QKI: variants seen among roughly 807,000 people sequenced by gnomAD.
QKI encodes the protein QKI, KH domain containing RNA binding.
A neutral mutation model predicts 39.0 loss-of-function variants in QKI; 10 were observed. The observed-to-expected ratio is 0.26, with a 90% CI of 0.16 to 0.43. The LOEUF is 0.43. Among genes scored for constraint, QKI ranks in the 20% least tolerant of loss-of-function variants. The pLI is 1.00. For synonymous variants in QKI, 204 were observed against 155.4 expected, an observed-to-expected ratio of 1.31 and a Z score of -2.33; for missense variants, 218 against 428.0, an observed-to-expected ratio of 0.51 and a Z score of 4.33.
chr6:163,416,112 G>A lies in QKI; in HGVS notation c.142+777G>A, dbSNP rs1787464166. 2.0e-5 allele frequency among the ~76,000 whole-genome samples: 3 copies of A among 151,316 alleles called. No homozygotes were observed. The South Asian group carries it at 6.3e-4, about 32-fold the overall frequency. ...GATGACAGATCGGAGCGCAGCCTGA[G>A]TTAGAAGAACTTGGGCGGAGGGTTT... On this transcript the variant is annotated intron_variant, in intron 1 of 7. Transcript: ENST00000361752.
At chr6:163,557,514 G>C (rs1336173598) in intron 4 of QKI, among the ~76,000 whole-genome samples, 1 of 152,064 alleles carries the variant, frequency 6.6e-6, no homozygotes, top group Non-Finnish European at 1.5e-5. Flanking sequence ...AGAGTGTGGA[G>C]CGATGGTTCC....
chr6:163,574,661 G>A lies in QKI; in HGVS notation c.*3951G>A, dbSNP rs1783882023. On this transcript the variant is annotated 3_prime_UTR_variant, in exon 8 of 8. Transcript: ENST00000361752. The stretch of plus-strand genomic sequence containing the variant: ...CTTAAATATCTTCATGCTTTTCTTG[G>A]CTGGAACTTGGGTAAATTAACCTGT... 1 of 152,100 alleles carries A rather than the reference G, an allele frequency of 6.6e-6. No individual in the cohort carries two copies. The highest frequency in any genetic ancestry group is 2.4e-5 in the African/African-American group (1 of 41,418). 9.4% of individuals were successfully genotyped at this position (152,100 alleles called of 1,614,324 possible).
In QKI at chr6:163,530,270, A is replaced by C. The variant is rs1182889401; in HGVS notation, c.403-4712A>C. 3.3e-5 allele frequency among the ~76,000 whole-genome samples: 5 copies of C among 152,184 alleles called. No homozygotes were observed. The East Asian group carries it at 9.6e-4, about 29-fold the overall frequency. ...AATACAGCATTTTTGGTGTGCGTCC[A>C]TATCATCATCCCTCCTGTCTGCTTA... On this transcript the variant is annotated intron_variant, in intron 3 of 7. Coordinates refer to ENST00000361752, the MANE Select transcript of QKI (RefSeq NM_006775.3).
rs1480281341 is a variant in QKI, at chr6:163,578,415, CT to C, written c.*7707del. The C allele has an allele frequency of 2.0e-5, 3 of 152,162 alleles. No homozygotes were observed. Among genetic ancestry groups the C allele is most frequent in the Non-Finnish European group, 4.4e-5 (3 of 68,034 alleles). The allele number at this position is 152,162 out of a possible 1,614,324, so 9.4% of individuals were successfully genotyped here. On this transcript the variant is annotated 3_prime_UTR_variant, in exon 8 of 8. Transcript: ENST00000361752. The stretch of plus-strand genomic sequence containing the variant: ...TGTGCTTGAAACCTGAATTTTAGTG[CT>C]TCCCTTATTACATTCATTGTTTTCA...
At chr6:163,544,921 T>A (rs1781776570) in intron 4 of QKI, among the ~76,000 whole-genome samples, 1 of 152,162 alleles carries the variant, frequency 6.6e-6, no homozygotes, top group Non-Finnish European at 1.5e-5. Flanking sequence ...GGTCAGTATG[T>A]AATCACACAT....
intron 1 of QKI, among the ~76,000 whole-genome samples, chr6:163,442,269 A>G (rs2757581): frequency 0.34 from 51,650 of 152,084 alleles, 9,430 homozygotes; most frequent in African/African-American, 0.45. Flanking sequence ...TGGTTAATAT[A>G]TAATAAGTTT....
Position 163,577,864 on chromosome 6 carries a change from T to G in QKI, c.*7154T>G, listed in dbSNP as rs758712916. 3 of 152,220 alleles carry G rather than the reference T, an allele frequency of 2.0e-5. No individual in the cohort carries two copies. The highest frequency in any genetic ancestry group is 7.2e-5 in the African/African-American group (3 of 41,466). The allele number at this position is 152,220 out of a possible 1,614,324, so 9.4% of individuals were successfully genotyped here. The stretch of plus-strand genomic sequence containing the variant: ...GAAGTGCTTAAGTGAATGGAAGCAC[T>G]AGACATTTGGATTTCCTTCCTAACG... On this transcript the variant is annotated 3_prime_UTR_variant, in exon 8 of 8. Coordinates refer to ENST00000361752, the MANE Select transcript of QKI (RefSeq NM_006775.3).
intron 2 of QKI, among the ~76,000 whole-genome samples, chr6:163,472,413 G>A (rs1792273947): frequency 6.6e-6 from 1 of 152,102 alleles, no homozygotes; most frequent in African/African-American, 2.4e-5. Flanking sequence ...GGTGATGGAG[G>A]TGGGAGGGGT....
At chr6:163,531,245 G>A (rs1038062615) in intron 3 of QKI, among the ~76,000 whole-genome samples, 4 of 152,146 alleles carry the variant, frequency 2.6e-5, no homozygotes, top group Non-Finnish European at 5.9e-5. Context: ...TGTGGGCCTG[G>A]GTTCCCTTGC....
intron 1 of QKI, among the ~76,000 whole-genome samples, chr6:163,446,119 A>G (rs1470136091): frequency 2.0e-5 from 3 of 152,152 alleles, no homozygotes; most frequent in African/African-American, 7.2e-5. Context: ...TTTTGTTTGC[A>G]TTGATTTTTA....
At chr6:163,424,792 C>T (rs926723866) in intron 1 of QKI, among the ~76,000 whole-genome samples, 4 of 151,850 alleles carry the variant, frequency 2.6e-5, no homozygotes, top group Non-Finnish European at 5.9e-5. Flanking sequence ...CCTCCACACC[C>T]GGCTAATTGC....
chr6:163,508,856 T>C (rs981685136), intron 3 of QKI, among the ~76,000 whole-genome samples: 1 of 151,004 alleles, frequency 6.6e-6, no homozygotes, highest in East Asian at 2.0e-4. Flanking sequence ...GATATTTTAC[T>C]GGCCGGGCAC....
chr6:163,503,049 T>C (rs550002900), intron 3 of QKI, among the ~76,000 whole-genome samples: 2 of 152,112 alleles, frequency 1.3e-5, no homozygotes, highest in South Asian at 4.1e-4. Flanking sequence ...TTCTGACTTG[T>C]GTGAGATGGT....
Position 163,535,092 on chromosome 6 carries a change from A to G in QKI, c.513A>G (p.Ala171=). ...QNRAEIKLKR[A]VEEVKKLLVP... ...GAGCAGAAATCAAATTGAAGAGAGC[A>G]GTTGAAGAAGTGAAGAAATTATTGG... is the stretch of plus-strand genomic sequence containing the variant. Residue 171 remains alanine, a synonymous_variant, in exon 4 of 8, where the codon GCA becomes GCG. Coordinates refer to ENST00000361752, the MANE Select transcript of QKI (RefSeq NM_006775.3). The G allele has an allele frequency of 6.2e-7, 1 of 1,605,708 alleles. No individual in the cohort carries two copies. Among genetic ancestry groups the G allele is most frequent in the South Asian group, 1.1e-5 (1 of 88,590 alleles).
intron 1 of QKI, among the ~76,000 whole-genome samples, chr6:163,454,072 A>G (rs935374610): frequency 6.6e-6 from 1 of 152,178 alleles, no homozygotes; most frequent in Non-Finnish European, 1.5e-5. Context: ...TAAAAAATAC[A>G]TTTTATTTTT....
chr6:163,498,501 A>G (rs1778547377), intron 3 of QKI, among the ~76,000 whole-genome samples: 3 of 152,072 alleles, frequency 2.0e-5, no homozygotes, highest in Non-Finnish European at 4.4e-5. Flanking sequence ...GCATGTTACC[A>G]TATGTGACTC....
chr6:163,564,456 A>C, intron 6 of QKI: 6 of 1,407,770 alleles, frequency 4.3e-6, no homozygotes, highest in Non-Finnish European at 5.5e-6. Flanking sequence ...AAGATTTTTC[A>C]GTTCTTGTGT....
chr6:163,526,014 CT>C (rs1443324856), intron 3 of QKI, among the ~76,000 whole-genome samples: 1 of 152,178 alleles, frequency 6.6e-6, no homozygotes, highest in Non-Finnish European at 1.5e-5. Flanking sequence ...GTATCTCATG[CT>C]GTGCTCTAAG....
At chr6:163,556,649 A>G (rs985288264) in intron 4 of QKI, among the ~76,000 whole-genome samples, 1 of 152,168 alleles carries the variant, frequency 6.6e-6, no homozygotes, top group Non-Finnish European at 1.5e-5. Context: ...AGAAGTTCAG[A>G]AAACTGTGTT....
Sources: allele counts gnomAD v4.1 joint callset (sites outside exome capture counted in the v4.1 genomes callset), GRCh38; gene constraint gnomAD v4.1.1; transcripts MANE v1.5; gene names NCBI Gene and HGNC (gene_info 2026-07-23, HGNC 2026-07-21).